Variants in FBXO10 observed in about 807,000 individuals in gnomAD.
The protein encoded by FBXO10 is F-box protein 10.
Under a neutral mutation model 80.7 loss-of-function variants are expected in FBXO10, and 39 were observed. The ratio of observed to expected loss-of-function variants is 0.48; its 90% confidence interval spans 0.37 to 0.63. FBXO10 has a LOEUF of 0.63. Among genes scored for constraint, FBXO10 ranks in the 30% least tolerant of loss-of-function variants. FBXO10 has a pLI of 0.00. For synonymous variants in FBXO10, 449 were observed against 489.6 expected, an observed-to-expected ratio of 0.92 and a Z score of 1.09; for missense variants, 1,025 against 1,269.0, an observed-to-expected ratio of 0.81 and a Z score of 2.92.
At chr9:37,550,655 T>G (rs147824518) in intron 1 of FBXO10, among the ~76,000 whole-genome samples, 3,599 of 151,958 alleles carry the variant, frequency 0.024, 130 homozygotes, top group African/African-American at 0.082. Context: ...ATTTTTGTAG[T>G]TTTTGTAGAG....
chr9:37,512,926 C>T (rs1821099564), intron 10 of FBXO10, among the ~76,000 whole-genome samples: 1 of 152,230 alleles, frequency 6.6e-6, no homozygotes, highest in Non-Finnish European at 1.5e-5. Context: ...CCACGTCCAG[C>T]TCTGCCTTCA....
At chr9:37,526,821 T>TTTTATTTATTTA (rs57803639) in intron 5 of FBXO10, among the ~76,000 whole-genome samples, 5 of 139,750 alleles carry the variant, frequency 3.6e-5, no homozygotes, top group African/African-American at 1.0e-4. Context: ...TTTTAAAATA[T>TTTTATTTATTTA]TTTATTTATT....
Position 37,538,463 on chromosome 9 carries a change from G to A in FBXO10, c.586-520C>T, listed in dbSNP as rs142312778. Among the ~76,000 whole-genome samples, 82 of 152,158 alleles carry A rather than the reference G, an allele frequency of 5.4e-4. 2 individuals are homozygous for A. Among genetic ancestry groups the A allele is most frequent in the African/African-American group, 5.3e-4 (22 of 41,532 alleles). On this transcript the variant is annotated intron_variant, in intron 2 of 10. Coordinates refer to ENST00000432825, the MANE Select transcript of FBXO10 (RefSeq NM_012166.3). ...TGGCTCACGCCCGTAGTTCCAGCAC[G>A]TTGGAAGGCCAAGATGGGCAGATCA...
At chr9:37,554,593 TTTC>T (rs1822291246) in intron 1 of FBXO10, among the ~76,000 whole-genome samples, 1 of 152,202 alleles carries the variant, frequency 6.6e-6, no homozygotes, top group South Asian at 2.1e-4. Context: ...CAACCACTGT[TTTC>T]TTTTCTCTTA....
At chr9:37,557,114 C>T (rs1648027797) in intron 1 of FBXO10, among the ~76,000 whole-genome samples, 1 of 152,192 alleles carries the variant, frequency 6.6e-6, no homozygotes, top group Non-Finnish European at 1.5e-5. Flanking sequence ...CGTGTCCATG[C>T]ACTATGAGAG....
Position 37,512,718 on chromosome 9 carries a change from A to C in FBXO10, c.2700T>G (p.Ser900=), listed in dbSNP as rs1451890219. The C allele has an allele frequency of 6.2e-7, 1 of 1,613,328 alleles. No individual in the cohort carries two copies. Among genetic ancestry groups the C allele is most frequent in the East Asian group, 2.2e-5 (1 of 44,878 alleles). Residue 900 remains serine (S), a synonymous_variant, in exon 11 of 11, where the codon TCT becomes TCG. Transcript: ENST00000432825. The stretch of plus-strand genomic sequence containing the variant: ...GTGGGTTCACCAGGCGCCACGTATC[A>C]GACCTGGAGGTGCAAAACGAAAGTC... The part of the protein sequence containing the change: ...NNKFLVFKKK[S]DTWRLVNPPA...
chr9:37,521,435 ACCC>A (rs1203493424), intron 8 of FBXO10, 131 bp downstream of exon 8: 1 of 1,148,728 alleles, frequency 8.7e-7, no homozygotes, highest in African/African-American at 1.6e-5. Flanking sequence ...TTTCTGCCCT[ACCC>A]AGGTTTGCAT....
chr9:37,561,758 A>T (rs1822490288), intron 1 of FBXO10, among the ~76,000 whole-genome samples: 1 of 152,240 alleles, frequency 6.6e-6, no homozygotes, highest in South Asian at 2.1e-4. Flanking sequence ...ACAGACAATA[A>T]ACGAAAAAGA....
intron 1 of FBXO10, among the ~76,000 whole-genome samples, chr9:37,564,151 A>C (rs1822549434): frequency 6.6e-6 from 1 of 152,248 alleles, no homozygotes; most frequent in Admixed American, 6.5e-5. Flanking sequence ...CCATTGCTTC[A>C]GAGGGTGCAA....
At chr9:37,546,946 G>T (rs937580107) in intron 1 of FBXO10, among the ~76,000 whole-genome samples, 12 of 152,300 alleles carry the variant, frequency 7.9e-5, no homozygotes, top group Non-Finnish European at 1.6e-4. Flanking sequence ...CTCCCAAAGT[G>T]CTGGGATTAC....
chr9:37,536,488 A>G (rs1213728758), intron 3 of FBXO10, among the ~76,000 whole-genome samples: 1 of 152,188 alleles, frequency 6.6e-6, no homozygotes. Context: ...TGTTCTTAGC[A>G]TAAGGCCCAA....
intron 1 of FBXO10, among the ~76,000 whole-genome samples, chr9:37,572,129 G>GA (rs1563893910): frequency 6.6e-6 from 1 of 151,620 alleles, no homozygotes; most frequent in African/African-American, 2.4e-5. Flanking sequence ...CCAAAAAAAA[G>GA]AAAAAAGAAA....
At chr9:37,533,327 C>T (rs977764169) in intron 3 of FBXO10, among the ~76,000 whole-genome samples, 1 of 152,066 alleles carries the variant, frequency 6.6e-6, no homozygotes, top group Non-Finnish European at 1.5e-5. Flanking sequence ...GGGCGGATCA[C>T]TTGAGGTCAG....
intron 1 of FBXO10, among the ~76,000 whole-genome samples, chr9:37,550,160 T>C (rs1822154711): frequency 1.4e-5 from 2 of 147,800 alleles, no homozygotes; most frequent in South Asian, 4.2e-4. Context: ...TCTTTTTTTG[T>C]CGTCTCAGGT....
chr9:37,542,480 A>C (rs1247749333), intron 1 of FBXO10, among the ~76,000 whole-genome samples: 1 of 151,700 alleles, frequency 6.6e-6, no homozygotes, highest in Non-Finnish European at 1.5e-5. Context: ...CTGTAATCCC[A>C]GCTACTTGGG....
intron 3 of FBXO10, among the ~76,000 whole-genome samples, 165 bp downstream of exon 3, chr9:37,536,945 G>A (rs1821781783): frequency 6.6e-6 from 1 of 152,160 alleles, no homozygotes; most frequent in Admixed American, 6.5e-5. Flanking sequence ...TCTGGGAAAT[G>A]AGAAAAAGCG....
intron 9 of FBXO10, among the ~76,000 whole-genome samples, chr9:37,517,653 T>C (rs1351961852): frequency 6.9e-6 from 1 of 145,410 alleles, no homozygotes; most frequent in Admixed American, 6.7e-5. Flanking sequence ...TGAACAAAGA[T>C]ACAGCTAAGC....
In FBXO10 at chr9:37,531,778, A is replaced by G; in HGVS notation, c.1569+131T>C. 3 of 870,232 alleles carry G rather than the reference A, an allele frequency of 3.4e-6. No individual in the cohort carries two copies. The Admixed American group carries it at 7.3e-5, about 21-fold the overall frequency. 53.9% of individuals were successfully genotyped at this position (870,232 alleles called of 1,614,324 possible). A position where few individuals can be genotyped will look rare whatever the true frequency, so the allele number is the denominator to read the frequency against. On this transcript the variant is annotated intron_variant, in intron 4 of 10. Transcript: ENST00000432825. ...GAGACACAGAGTCACAAGGACACGC[A>G]GAGGACAGAGCAGGAGCCACCTGCA...
chr9:37,515,943 C>A lies in FBXO10; in HGVS notation c.2657G>T (p.Cys886Phe). The change falls in exon 10 of 11, where the codon TGC (cysteine) becomes TTC (phenylalanine). Residue 886 changes from cysteine to phenylalanine, a missense_variant. Cys to Phe is a radical substitution (Grantham distance 205, BLOSUM62 -2). Coordinates refer to ENST00000432825, the MANE Select transcript of FBXO10 (RefSeq NM_012166.3). ...IFQQISNNRE[C>F]IMQNNKFLVF... is the part of the protein sequence containing the mutation. ...CAGGAACTTGTTGTTTTGCATGATG[C>A]ATTCTCGGTTGTTTGAGATCTGCTG... The A allele has an allele frequency of 6.2e-7, 1 of 1,613,908 alleles. No homozygotes were observed. Among genetic ancestry groups the A allele is most frequent in the Non-Finnish European group, 8.5e-7 (1 of 1,179,862 alleles).
Sources: allele counts gnomAD v4.1 joint callset (sites outside exome capture counted in the v4.1 genomes callset), GRCh38; gene constraint gnomAD v4.1.1; transcripts MANE v1.5; gene names NCBI Gene and HGNC (gene_info 2026-07-23, HGNC 2026-07-21).